SCN10A: variants seen among roughly 807,000 people sequenced by gnomAD.
SCN10A encodes the protein sodium voltage-gated channel alpha subunit 10.
A neutral mutation model predicts 170.7 loss-of-function variants in SCN10A; 162 were observed. The observed-to-expected ratio is 0.95, with a 90% CI of 0.84 to 1.08. The LOEUF is 1.08. Among genes scored for constraint, SCN10A ranks in the 50% least tolerant of loss-of-function variants. The pLI is 0.00. For missense variants in SCN10A, 2,527 were observed against 2,436.9 expected, an observed-to-expected ratio of 1.04 and a Z score of -0.78; for synonymous variants, 985 against 904.6, an observed-to-expected ratio of 1.09 and a Z score of -1.59.
intron 13 of SCN10A, among the ~76,000 whole-genome samples, chr3:38,743,528 T>C (rs564101462): frequency 5.4e-4 from 83 of 152,338 alleles, no homozygotes; most frequent in African/African-American, 1.9e-3. Context: ...TACCTCTTTT[T>C]TTCTCTGCAG....
intron 4 of SCN10A, among the ~76,000 whole-genome samples, chr3:38,776,624 G>T (rs1202196206): frequency 6.6e-6 from 1 of 152,056 alleles, no homozygotes; most frequent in African/African-American, 2.4e-5. Context: ...TTACATGTTA[G>T]ATTTTAAAAT....
rs542226063 is a variant in SCN10A, at chr3:38,745,627, G to A, written c.1868-3098C>T. On this transcript the variant is annotated intron_variant, in intron 13 of 27. Coordinates refer to ENST00000449082, the MANE Select transcript of SCN10A (RefSeq NM_006514.4). The stretch of plus-strand genomic sequence containing the variant: ...ATCTCCATTTCTTCACCTCTCACCC[G>A]CTCTTTAAGCCCCTTCAATATGACC... Among the ~76,000 whole-genome samples, 308 of 151,882 alleles carry A rather than the reference G, an allele frequency of 2.0e-3. 3 individuals are homozygous for A. The highest frequency in any genetic ancestry group is 6.8e-3 in the African/African-American group (282 of 41,444).
chr3:38,719,777 A>G (rs1189894437), intron 20 of SCN10A, among the ~76,000 whole-genome samples: 1 of 152,156 alleles, frequency 6.6e-6, no homozygotes, highest in Admixed American at 6.5e-5. Flanking sequence ...GGTTTCAGGA[A>G]CCTAGCAATT....
chr3:38,789,102 T>C (rs963216895), intron 3 of SCN10A, 66 bp from the exon 4 acceptor site: 1 of 893,798 alleles, frequency 1.1e-6, no homozygotes, highest in African/African-American at 1.6e-5. Context: ...TAGGATCACC[T>C]TGATGCTGAA....
Position 38,756,699 on chromosome 3 carries a change from A to G in SCN10A, c.1265T>C (p.Leu422Pro). 1.2e-6 allele frequency: 2 copies of G among 1,613,972 alleles called. No individual in the cohort carries two copies. Among genetic ancestry groups the G allele is most frequent in the Non-Finnish European group, 1.7e-6 (2 of 1,179,974 alleles). ...EAKEKKFQEA[L>P]EMLRKEQEVL... ...CTCCTGCTCCTTCCGGAGCATCTCG[A>G]GGGCCTCCTGGAACTTCTTCTCCTT... is the stretch of plus-strand genomic sequence containing the variant. Residue 422 changes from leucine (L) to proline (P), a missense_variant, in exon 10 of 28, where the codon CTC (leucine) becomes CCC (proline). Coordinates refer to ENST00000449082, the MANE Select transcript of SCN10A (RefSeq NM_006514.4).
chr3:38,810,297 A>G (rs779176516), intron 1 of SCN10A, among the ~76,000 whole-genome samples: 19 of 152,252 alleles, frequency 1.2e-4, no homozygotes, highest in Admixed American at 3.3e-4. Flanking sequence ...CACTGTGAAC[A>G]TTATGTAAAT....
At chr3:38,804,154 T>C (rs11922345) in intron 1 of SCN10A, among the ~76,000 whole-genome samples, 17,479 of 152,202 alleles carry the variant, frequency 0.11, 1,121 homozygotes, top group African/African-American at 0.16. Flanking sequence ...CTCTTGCTTG[T>C]TCATTGGAAC....
At chr3:38,725,745 A>G (rs1270505530) in intron 17 of SCN10A, among the ~76,000 whole-genome samples, 1 of 152,252 alleles carries the variant, frequency 6.6e-6, no homozygotes, top group African/African-American at 2.4e-5. Flanking sequence ...GGCCACCTGG[A>G]GCTCCCTAAG....
At chr3:38,752,139 T>C (rs1237684893) in intron 12 of SCN10A, 80 bp downstream of exon 12, 6 of 1,277,262 alleles carry the variant, frequency 4.7e-6, no homozygotes, top group African/African-American at 3.1e-5. Flanking sequence ...ATCCCTTCCA[T>C]TGGTGATACT....
chr3:38,718,832 AG>A lies in SCN10A; in HGVS notation c.3508-7del. ...AGGTAATAGTCTTCAAAGGCCTGGA[AG>A]GAAGAAAGGATGCAGAATGGCAGGC... On this transcript the variant is annotated splice_polypyrimidine_tract_variant and splice_region_variant and intron_variant, in intron 20 of 27. Coordinates refer to ENST00000449082, the MANE Select transcript of SCN10A (RefSeq NM_006514.4). 6.2e-7 allele frequency: 1 copy of A among 1,613,606 alleles called. No individual in the cohort carries two copies.
intron 8 of SCN10A, among the ~76,000 whole-genome samples, chr3:38,760,077 A>G (rs1385048759): frequency 6.6e-6 from 1 of 152,158 alleles, no homozygotes; most frequent in Admixed American, 6.5e-5. Flanking sequence ...ATGTATCCAC[A>G]CCCTTTCCAA....
At chr3:38,793,035 T>C (rs2064303703) in intron 2 of SCN10A, among the ~76,000 whole-genome samples, 1 of 152,040 alleles carries the variant, frequency 6.6e-6, no homozygotes, top group South Asian at 2.1e-4. Flanking sequence ...CATAGTTGTA[T>C]GTATATATAT....
At position 38,788,995 on chromosome 3, in the gene SCN10A, C is replaced by A. The variant is rs1314478944; in HGVS notation, c.431G>T (p.Cys144Phe). 11 of 1,612,282 alleles carry A rather than the reference C, an allele frequency of 6.8e-6. No homozygotes were observed. Among genetic ancestry groups the A allele is most frequent in the African/African-American group, 2.7e-5 (2 of 74,842 alleles). The change falls in exon 4 of 28, where the codon TGT (cysteine) becomes TTT (phenylalanine). Residue 144 changes from cysteine to phenylalanine, a missense_variant. Coordinates refer to ENST00000449082, the MANE Select transcript of SCN10A (RefSeq NM_006514.4). Reference protein sequence around the residue: ...LFITVTILVNCVCMTRTDLPE... With the variant: ...LFITVTILVNFVCMTRTDLPE... ...AAGGTCAGTTCGGGTCATGCACACACAATTAACCAAAATAGTGACCGTAAT... is the reference window on the plus strand; with the variant it reads ...AAGGTCAGTTCGGGTCATGCACACAAAATTAACCAAAATAGTGACCGTAAT...
In SCN10A at chr3:38,696,840, C is replaced by T. The variant is rs1361733689; in HGVS notation, c.*509G>A. On this transcript the variant is annotated 3_prime_UTR_variant, in exon 28 of 28. Coordinates refer to ENST00000449082, the MANE Select transcript of SCN10A (RefSeq NM_006514.4). ...AAAATATTAATTTTAATGGATATCT[C>T]AAAGGCTTTTCATGACATAGGCCAC... 1 of 160,070 alleles carries T rather than the reference C, an allele frequency of 6.2e-6. No individual in the cohort carries two copies. Among genetic ancestry groups the T allele is most frequent in the East Asian group, 1.8e-4 (1 of 5,700 alleles). 9.9% of individuals were successfully genotyped at this position (160,070 alleles called of 1,614,324 possible). A position where few individuals can be genotyped will look rare whatever the true frequency, so the allele number is the denominator to read the frequency against.
chr3:38,723,122 G>C (rs571023678), intron 19 of SCN10A, among the ~76,000 whole-genome samples: 12 of 152,272 alleles, frequency 7.9e-5, no homozygotes, highest in African/African-American at 2.9e-4. Flanking sequence ...TGGTGTTTAT[G>C]GTGGTGACTA....
intron 4 of SCN10A, among the ~76,000 whole-genome samples, chr3:38,788,237 A>G (rs1225525540): frequency 6.9e-6 from 1 of 145,618 alleles, no homozygotes; most frequent in Non-Finnish European, 1.5e-5. Flanking sequence ...AAAAAAAAAA[A>G]AAGAAAGCTC....
At chr3:38,730,514 G>C (rs1477189357) in intron 15 of SCN10A, among the ~76,000 whole-genome samples, 1 of 152,138 alleles carries the variant, frequency 6.6e-6, no homozygotes, top group Middle Eastern at 3.2e-3. Flanking sequence ...GAGTGAATGA[G>C]ATCTTGAAGA....
Position 38,727,006 on chromosome 3 carries a change from T to G in SCN10A, c.2687A>C (p.Asp896Ala), listed in dbSNP as rs375765886. The G allele has an allele frequency of 5.0e-6, 8 of 1,613,972 alleles. No individual in the cohort carries two copies. The highest frequency in any genetic ancestry group is 6.8e-6 in the Non-Finnish European group (8 of 1,179,928). Residue 896 changes from aspartate to alanine, a missense_variant, in exon 17 of 28, where the codon GAC becomes GCC. By Grantham distance (126) the Asp-to-Ala change is moderately radical. Transcript: ENST00000449082. ...IALLLNSFSA[D>A]NLTAPEDDGE... is the part of the protein sequence containing the mutation. ...ATCGTCCTCCGGGGCTGTGAGGTTG[T>G]CAGCACTGAAAGAGTTCAATAGCAG...
At chr3:38,715,761 C>A (rs2063328461) in intron 21 of SCN10A, among the ~76,000 whole-genome samples, 1 of 152,238 alleles carries the variant, frequency 6.6e-6, no homozygotes, top group African/African-American at 2.4e-5. Flanking sequence ...CAGTGCTCAA[C>A]ACATTCACCC....
Sources: allele counts gnomAD v4.1 joint callset (sites outside exome capture counted in the v4.1 genomes callset), GRCh38; gene constraint gnomAD v4.1.1; transcripts MANE v1.5; gene names NCBI Gene and HGNC (gene_info 2026-07-23, HGNC 2026-07-21).